The following ALK variants were observed in gnomAD, a reference collection of about 807,000 sequenced individuals.
ALK encodes the protein ALK tyrosine kinase receptor.
A neutral mutation model predicts 163.1 loss-of-function variants in ALK; 74 were observed. That is an observed-to-expected ratio of 0.45 (90% CI 0.38 to 0.55). ALK has a LOEUF of 0.55. ALK is among the 20% of genes least tolerant of loss of function. The pLI is 0.00. For synonymous variants in ALK, 960 were observed against 843.2 expected, an observed-to-expected ratio of 1.14 and a Z score of -2.40; for missense variants, 2,063 against 2,105.3, an observed-to-expected ratio of 0.98 and a Z score of 0.39.
chr2:29,581,225 T>C (rs1674680549), intron 3 of ALK, among the ~76,000 whole-genome samples: 1 of 152,010 alleles, frequency 6.6e-6, no homozygotes, highest in African/African-American at 2.4e-5. Context: ...CCATCTCTAC[T>C]AAAAATACAA....
At chr2:29,542,004 A>G (rs1673426317) in intron 3 of ALK, among the ~76,000 whole-genome samples, 1 of 152,110 alleles carries the variant, frequency 6.6e-6, no homozygotes, top group Admixed American at 6.5e-5. Context: ...TTCTTTTTGT[A>G]ACTTCAAGAT....
At chr2:29,869,518 G>A (rs1463958533) in intron 1 of ALK, among the ~76,000 whole-genome samples, 1 of 152,002 alleles carries the variant, frequency 6.6e-6, no homozygotes, top group African/African-American at 2.4e-5. Flanking sequence ...AGGAAGGAAC[G>A]AATTATTTTA....
At chr2:29,520,777 A>C (rs780059092) in intron 4 of ALK, among the ~76,000 whole-genome samples, 3 of 152,192 alleles carry the variant, frequency 2.0e-5, no homozygotes, top group Non-Finnish European at 4.4e-5. Flanking sequence ...GGGGTGAGCC[A>C]GGCTCAGGAG....
At chr2:29,482,720 C>T (rs539341206) in intron 4 of ALK, among the ~76,000 whole-genome samples, 1 of 138,656 alleles carries the variant, frequency 7.2e-6, no homozygotes, top group South Asian at 2.6e-4. Context: ...AGGAGAGTGC[C>T]GTAGGAGAGC....
chr2:29,671,027 G>C (rs1219875896), intron 3 of ALK, among the ~76,000 whole-genome samples: 2 of 151,992 alleles, frequency 1.3e-5, no homozygotes, highest in East Asian at 1.9e-4. Flanking sequence ...TGTCCTTTTG[G>C]TAGGTCATGG....
intron 4 of ALK, among the ~76,000 whole-genome samples, chr2:29,412,113 G>C (rs1226672604): frequency 6.6e-6 from 1 of 152,162 alleles, no homozygotes; most frequent in Non-Finnish European, 1.5e-5. Flanking sequence ...ATAACTCTTT[G>C]ATCCATTGGT....
chr2:29,649,700 C>T (rs900405013), intron 3 of ALK, among the ~76,000 whole-genome samples: 1 of 152,158 alleles, frequency 6.6e-6, no homozygotes, highest in African/African-American at 2.4e-5. Flanking sequence ...CAGACTCTTC[C>T]TCAACCTCCT....
At chr2:29,754,008 G>A (rs571637584) in intron 1 of ALK, among the ~76,000 whole-genome samples, 31 of 152,116 alleles carry the variant, frequency 2.0e-4, no homozygotes, top group South Asian at 6.2e-4. Context: ...CACCGACCGC[G>A]CACTATACAG....
At chr2:29,468,306 C>T (rs981763583) in intron 4 of ALK, among the ~76,000 whole-genome samples, 7 of 152,064 alleles carry the variant, frequency 4.6e-5, no homozygotes, top group African/African-American at 1.2e-4. Flanking sequence ...GGATTACAGG[C>T]GTGAGCCAAT....
intron 1 of ALK, among the ~76,000 whole-genome samples, chr2:29,752,355 T>C (rs1680391240): frequency 1.4e-5 from 2 of 147,466 alleles, no homozygotes; most frequent in Admixed American, 1.3e-4. Flanking sequence ...TTTCTTTTTT[T>C]TTTTTTTTTT....
intron 1 of ALK, among the ~76,000 whole-genome samples, chr2:29,763,379 T>G (rs914971897): frequency 1.3e-5 from 2 of 152,182 alleles, no homozygotes; most frequent in Non-Finnish European, 2.9e-5. Context: ...GAGAGCTAGC[T>G]TTTTACCAGA....
At chr2:29,384,008 G>C in intron 4 of ALK, 149 bp from the exon 5 acceptor site, 1 of 949,672 alleles carries the variant, frequency 1.1e-6, no homozygotes, top group Admixed American at 1.9e-5. Context: ...GTGGCACTGA[G>C]GACAGTGATT....
At chr2:29,841,664 T>A (rs893227914) in intron 1 of ALK, among the ~76,000 whole-genome samples, 1 of 152,174 alleles carries the variant, frequency 6.6e-6, no homozygotes, top group Non-Finnish European at 1.5e-5. Context: ...AACAAGAGCC[T>A]TAGTGCTGTC....
At chr2:29,822,645 A>G (rs1410787576) in intron 1 of ALK, among the ~76,000 whole-genome samples, 1 of 152,190 alleles carries the variant, frequency 6.6e-6, no homozygotes, top group Admixed American at 6.5e-5. Context: ...TCACTTATAA[A>G]TTGACAAAAG....
At chr2:29,739,618 G>A (rs1573597340) in intron 1 of ALK, among the ~76,000 whole-genome samples, 1 of 151,752 alleles carries the variant, frequency 6.6e-6, no homozygotes, top group South Asian at 2.1e-4. Context: ...ACTTGGATCT[G>A]CATTTCCATT....
At chr2:29,677,108 C>G (rs961457176) in intron 3 of ALK, among the ~76,000 whole-genome samples, 1 of 151,830 alleles carries the variant, frequency 6.6e-6, no homozygotes, top group African/African-American at 2.4e-5. Context: ...CCTTTCCAAT[C>G]TGTATATCTG....
intron 3 of ALK, among the ~76,000 whole-genome samples, chr2:29,569,704 C>T (rs1674300931): frequency 6.6e-6 from 1 of 152,176 alleles, no homozygotes; most frequent in African/African-American, 2.4e-5. Flanking sequence ...GGTGCTGATT[C>T]CACCATCAAC....
At chr2:29,833,494 T>C (rs566431746) in intron 1 of ALK, among the ~76,000 whole-genome samples, 17 of 152,346 alleles carry the variant, frequency 1.1e-4, no homozygotes, top group Admixed American at 3.3e-4. Flanking sequence ...TCCTGAGCTT[T>C]CTAAAAAAGA....
intron 4 of ALK, among the ~76,000 whole-genome samples, chr2:29,519,112 T>G (rs535160064): frequency 6.0e-4 from 92 of 152,296 alleles, no homozygotes; most frequent in African/African-American, 2.1e-3. Context: ...TTGAATAACT[T>G]TTTAGAGACA....
Sources: allele counts gnomAD v4.1 joint callset (sites outside exome capture counted in the v4.1 genomes callset), GRCh38; gene constraint gnomAD v4.1.1; transcripts MANE v1.5; gene names NCBI Gene and HGNC (gene_info 2026-07-23, HGNC 2026-07-21).